The following GFRA2 variants were observed in gnomAD, a reference collection of about 807,000 sequenced individuals.
GFRA2 encodes GDNF family receptor alpha 2, also known as GDNF family receptor alpha-2.
In GFRA2, 17 loss-of-function variants were observed where a neutral mutation model predicts 48.3. That is an observed-to-expected ratio of 0.35 (90% CI 0.24 to 0.53). The LOEUF is 0.53. Ranked by LOEUF, GFRA2 falls within the 20% of genes least tolerant of loss-of-function variation. The pLI, the probability that GFRA2 is intolerant of heterozygous loss-of-function variation, is 0.93. For missense variants in GFRA2, 660 were observed against 637.3 expected (o/e 1.04, Z -0.38); for synonymous variants, 305 against 257.2 (o/e 1.19, Z -1.78).
At chr8:21,796,646 C>T (rs754263894) in intron 2 of GFRA2, among the ~76,000 whole-genome samples, 114 of 152,244 alleles carry the variant, frequency 7.5e-4, no homozygotes, top group Non-Finnish European at 1.2e-3. Context: ...ACCCTCTCAC[C>T]TTGACCTTTC....
chr8:21,778,447 T>C (rs1487055192), intron 2 of GFRA2, among the ~76,000 whole-genome samples: 2 of 152,204 alleles, frequency 1.3e-5, no homozygotes, highest in Non-Finnish European at 2.9e-5. Flanking sequence ...AGGGTGTATT[T>C]TCTAGGCAGG....
intron 3 of GFRA2, among the ~76,000 whole-genome samples, chr8:21,757,711 C>T (rs946034510): frequency 1.3e-5 from 2 of 152,064 alleles, no homozygotes; most frequent in African/African-American, 4.8e-5. Flanking sequence ...CCATGTTGGC[C>T]AGATGGTCTC....
Position 21,757,506 on chromosome 8 carries a change from C to CTTTTTTTTTTTTTTTTTTTT in GFRA2, c.440-6565_440-6564insAAAAAAAAAAAAAAAAAAAA, listed in dbSNP as rs5889999. On this transcript the variant is annotated intron_variant, in intron 3 of 8. Coordinates refer to ENST00000524240, the MANE Select transcript of GFRA2 (RefSeq NM_001495.5). Reference sequence around the variant, plus strand: ...GATTTTTTCTTTAAATTCCTTAATCCTTTTTTTTGAATGGAGTTTCACTCT... The same window carrying CTTTTTTTTTTTTTTTTTTTT: ...GATTTTTTCTTTAAATTCCTTAATCCTTTTTTTTTTTTTTTTTTTTTTTTTTTTGAATGGAGTTTCACTCT... Among the ~76,000 whole-genome samples the CTTTTTTTTTTTTTTTTTTTT allele has an allele frequency of 1.4e-4, 20 of 145,802 alleles. 1 individual carries two copies. Among genetic ancestry groups the CTTTTTTTTTTTTTTTTTTTT allele is most frequent in the East Asian group, 3.9e-4 (2 of 5,104 alleles).
At chr8:21,753,468 C>T (rs958585883) in intron 3 of GFRA2, among the ~76,000 whole-genome samples, 8 of 152,154 alleles carry the variant, frequency 5.3e-5, no homozygotes, top group Middle Eastern at 6.8e-3. Context: ...ATTAGCTGGG[C>T]GTGGTGACAT....
At chr8:21,734,842 T>C (rs1241685256) in intron 4 of GFRA2, among the ~76,000 whole-genome samples, 1 of 152,224 alleles carries the variant, frequency 6.6e-6, no homozygotes, top group East Asian at 1.9e-4. Flanking sequence ...AAGGAAAATA[T>C]CTTGGCCTCC....
At chr8:21,805,705 T>C (rs968335129) in intron 1 of GFRA2, among the ~76,000 whole-genome samples, 1 of 152,144 alleles carries the variant, frequency 6.6e-6, no homozygotes, top group Non-Finnish European at 1.5e-5. Flanking sequence ...TCCAGTGCCT[T>C]AACCACTAAA....
intron 4 of GFRA2, among the ~76,000 whole-genome samples, chr8:21,733,530 G>A (rs930783247): frequency 2.0e-5 from 3 of 152,292 alleles, no homozygotes; most frequent in Admixed American, 6.5e-5. Flanking sequence ...GAGAGAGGGC[G>A]AAGGGAGAGA....
upstream of GFRA2, among the ~76,000 whole-genome samples, chr8:21,793,189 T>C (rs898267776): frequency 6.6e-6 from 1 of 152,136 alleles, no homozygotes; most frequent in Non-Finnish European, 1.5e-5. Flanking sequence ...AACCAAGCCT[T>C]GCAGTCTTCA....
rs1311683917 is a variant in GFRA2 at position 21,780,056 on chromosome 8, C to CA, written c.355+2528_355+2529insT. ...TTTAAACTGCTCGATCCTCTCCCAT[C>CA]TTTTTTTTTTTTTTAAGCATCCTTT... On this transcript the variant is annotated intron_variant, in intron 2 of 8. Transcript: ENST00000524240. 2.1e-5 allele frequency among the ~76,000 whole-genome samples: 3 copies of CA among 145,642 alleles called. No homozygotes were observed. In the East Asian group the frequency reaches 6.0e-4, roughly 29 times the overall value.
chr8:21,774,396 G>A (rs1256792521), intron 3 of GFRA2, among the ~76,000 whole-genome samples: 1 of 152,092 alleles, frequency 6.6e-6, no homozygotes, highest in African/African-American at 2.4e-5. Flanking sequence ...GGCTCCTGCA[G>A]ACACCTCCCT....
At position 21,741,427 on chromosome 8, in the gene GFRA2, C is replaced by A. The variant is rs1352777127; in HGVS notation, c.794+9161G>T. On this transcript the variant is annotated intron_variant, in intron 4 of 8. Coordinates refer to ENST00000524240, the MANE Select transcript of GFRA2 (RefSeq NM_001495.5). ...TGGCCAAGCAGATTCCCCCTCTCTG[C>A]CCCTGTTATTCTCTATTTCCACATC... Among the ~76,000 whole-genome samples the A allele has an allele frequency of 2.6e-5, 4 of 152,132 alleles. 1 individual carries two copies. Among genetic ancestry groups the A allele is most frequent in the Admixed American group, 1.3e-4 (2 of 15,266 alleles).
intron 8 of GFRA2, among the ~76,000 whole-genome samples, 176 bp downstream of exon 8, chr8:21,694,288 C>G (rs938772709): frequency 1.3e-5 from 2 of 151,680 alleles, no homozygotes; most frequent in African/African-American, 4.8e-5. Context: ...CTGGATGCAG[C>G]CTTCGCACTC....
At chr8:21,764,907 C>T (rs1464395609) in intron 3 of GFRA2, among the ~76,000 whole-genome samples, 2 of 152,126 alleles carry the variant, frequency 1.3e-5, no homozygotes, top group Admixed American at 1.3e-4. Context: ...ATTTTACCTT[C>T]TCCCTTCACA....
At chr8:21,785,578 G>A (rs1272877050) in intron 1 of GFRA2, among the ~76,000 whole-genome samples, 1 of 152,180 alleles carries the variant, frequency 6.6e-6, no homozygotes, top group African/African-American at 2.4e-5. Context: ...GTAGAGGGGG[G>A]TGGAGAAGCG....
intron 1 of GFRA2, among the ~76,000 whole-genome samples, chr8:21,806,516 A>G (rs1214371701): frequency 1.3e-5 from 2 of 152,216 alleles, no homozygotes; most frequent in African/African-American, 4.8e-5. Flanking sequence ...CCCAGACTGG[A>G]GTGCAGAGGC....
intron 1 of GFRA2, among the ~76,000 whole-genome samples, chr8:21,805,607 C>T (rs1004735378): frequency 1.3e-5 from 2 of 152,088 alleles, no homozygotes; most frequent in African/African-American, 2.4e-5. Flanking sequence ...GGTCTGGTTA[C>T]CCCCACTACA....
chr8:21,695,799 T>C lies in GFRA2; in HGVS notation c.1219-1282A>G, dbSNP rs550004277. On this transcript the variant is annotated intron_variant, in intron 7 of 8. Coordinates refer to ENST00000524240, the MANE Select transcript of GFRA2 (RefSeq NM_001495.5). Reference sequence around the variant, plus strand: ...CCCCTCAGAGGCTGTGCTGTCATAATGGCCTCGCATCTGTCCTCCCGAGTC... The same window carrying C: ...CCCCTCAGAGGCTGTGCTGTCATAACGGCCTCGCATCTGTCCTCCCGAGTC... Among the ~76,000 whole-genome samples the C allele has an allele frequency of 9.2e-5, 14 of 152,244 alleles. No individual in the cohort carries two copies. In the South Asian group the frequency reaches 2.9e-3, roughly 32 times the overall value.
intron 7 of GFRA2, among the ~76,000 whole-genome samples, chr8:21,695,665 C>T (rs1802128512): frequency 6.6e-6 from 1 of 152,142 alleles, no homozygotes; most frequent in Non-Finnish European, 1.5e-5. Flanking sequence ...ACGTGCTCGA[C>T]AACTCTTCCA....
At chr8:21,779,376 G>C (rs2117727125) in intron 2 of GFRA2, among the ~76,000 whole-genome samples, 1 of 152,300 alleles carries the variant, frequency 6.6e-6, no homozygotes, top group Admixed American at 6.5e-5. Flanking sequence ...GGGAGCCAGT[G>C]ACATGGGAAG....
Sources: gnomAD v4.1 joint callset for allele counts (sites outside exome capture counted in the v4.1 genomes callset) on GRCh38, gnomAD v4.1.1 for gene constraint, MANE v1.5 for transcripts, NCBI Gene and HGNC (gene_info 2026-07-23, HGNC 2026-07-21) for gene names.